TRPM6: variants seen among roughly 807,000 people sequenced by gnomAD.
The protein encoded by TRPM6 is channel kinase 2.
In TRPM6, 111 loss-of-function variants were observed where a neutral mutation model predicts 247.6. That is an observed-to-expected ratio of 0.45 (90% CI 0.38 to 0.52). The LOEUF (loss-of-function observed/expected upper bound fraction) is 0.52, where lower values mean the gene tolerates loss of function less well. TRPM6 is among the 20% of genes least tolerant of loss of function. The pLI is 0.00. For synonymous variants in TRPM6, 892 were observed against 853.8 expected (o/e 1.04, Z -0.78); for missense variants, 2,126 against 2,421.5 (o/e 0.88, Z 2.56).
chr9:74,869,020 G>A lies in TRPM6; in HGVS notation c.34-10272C>T, dbSNP rs544545652. Among the ~76,000 whole-genome samples the A allele has an allele frequency of 5.9e-5, 9 of 152,198 alleles. 1 individual carries two copies. In the South Asian group the frequency reaches 1.9e-3, roughly 32 times the overall value. ...AAATGTTTGCATCATTATCAAAGTAGAAAATTTCAAAGAAAAACTGATAAG... is the reference window on the plus strand; with the variant it reads ...AAATGTTTGCATCATTATCAAAGTAAAAAATTTCAAAGAAAAACTGATAAG... On this transcript the variant is annotated intron_variant, in intron 1 of 38. Coordinates refer to ENST00000360774, the MANE Select transcript of TRPM6 (RefSeq NM_017662.5).
At chr9:74,830,071 C>T (rs1347554714) in intron 6 of TRPM6, among the ~76,000 whole-genome samples, 1 of 151,994 alleles carries the variant, frequency 6.6e-6, no homozygotes, top group African/African-American at 2.4e-5. Context: ...TTCAAGACTG[C>T]AGTGAGCTAT....
At chr9:74,856,748 G>A (rs747925239) in intron 2 of TRPM6, among the ~76,000 whole-genome samples, 3 of 151,790 alleles carry the variant, frequency 2.0e-5, no homozygotes, top group Non-Finnish European at 2.9e-5. Flanking sequence ...AACTTTTATC[G>A]ATATTTTAAA....
chr9:74,874,850 A>G (rs1831142900), intron 1 of TRPM6, among the ~76,000 whole-genome samples: 1 of 151,148 alleles, frequency 6.6e-6, no homozygotes, highest in Non-Finnish European at 1.5e-5. Context: ...CCACCTCCCG[A>G]GTTCAAGTGA....
intron 25 of TRPM6, among the ~76,000 whole-genome samples, chr9:74,764,261 C>A (rs1340065997): frequency 1.3e-5 from 2 of 152,020 alleles, no homozygotes; most frequent in Non-Finnish European, 2.9e-5. Context: ...AAGCCTTAAC[C>A]CCAGAACCAT....
chr9:74,756,720 A>T, intron 27 of TRPM6, among the ~76,000 whole-genome samples: 1 of 148,850 alleles, frequency 6.7e-6, no homozygotes, highest in Non-Finnish European at 1.5e-5. Context: ...GTGTGGTGGC[A>T]CACCTGTGGT....
At chr9:74,776,851 T>C (rs958456183) in intron 23 of TRPM6, among the ~76,000 whole-genome samples, 2 of 152,228 alleles carry the variant, frequency 1.3e-5, no homozygotes, top group African/African-American at 4.8e-5. Flanking sequence ...TAGTTTCTTT[T>C]TAAAACAATT....
intron 23 of TRPM6, among the ~76,000 whole-genome samples, chr9:74,780,119 C>G (rs1226087006): frequency 6.6e-6 from 1 of 151,092 alleles, no homozygotes; most frequent in Admixed American, 6.6e-5. Flanking sequence ...TTGCAGTGAG[C>G]CGAGATAACA....
At chr9:74,837,807 T>A (rs925483611) in intron 5 of TRPM6, among the ~76,000 whole-genome samples, 2 of 144,602 alleles carry the variant, frequency 1.4e-5, no homozygotes, top group African/African-American at 5.2e-5. Flanking sequence ...CTGGGTAGAG[T>A]GACATGATCA....
Position 74,752,339 on chromosome 9 carries a change from T to C in TRPM6, c.4936A>G (p.Lys1646Glu). 1 of 1,596,962 alleles carries C rather than the reference T, an allele frequency of 6.3e-7. No individual in the cohort carries two copies. The change falls in exon 29 of 39, where the codon AAA (lysine) becomes GAA (glutamate). Residue 1646 changes from lysine to glutamate, a missense_variant. This residue lies in a region of TRPM6 where 717 missense variants were observed against 715.9 expected (regional missense o/e 1.00). Coordinates refer to ENST00000360774, the MANE Select transcript of TRPM6 (RefSeq NM_017662.5). The part of the protein sequence containing the change: ...GVEPYIHQKM[K>E]TKEIGQCAIQ... Reference sequence around the variant, plus strand: ...GCACATTGTCCAATTTCTTTAGTTTTCATTTTCTGATGTATGTAAGGTTCT... The same window carrying C: ...GCACATTGTCCAATTTCTTTAGTTTCCATTTTCTGATGTATGTAAGGTTCT...
chr9:74,774,377 C>T (rs918302824), intron 24 of TRPM6, among the ~76,000 whole-genome samples: 2 of 152,120 alleles, frequency 1.3e-5, no homozygotes, highest in Admixed American at 6.5e-5. Context: ...TCTCTATTAG[C>T]GGCCTGAAAT....
chr9:74,782,831 A>G lies in TRPM6; in HGVS notation c.2942T>C (p.Val981Ala). 6.2e-7 allele frequency: 1 copy of G among 1,614,184 alleles called. No homozygotes were observed. Among genetic ancestry groups the G allele is most frequent in the Non-Finnish European group, 8.5e-7 (1 of 1,180,036 alleles). ...AKMTANMFYI[V>A]IIMAIVLLSF... ...CAGCAGGACTATGGCCATGATGATCACAATATAGAACATGTTTGCTGTCTG... is the reference window on the plus strand; with the variant it reads ...CAGCAGGACTATGGCCATGATGATCGCAATATAGAACATGTTTGCTGTCTG... The change falls in exon 22 of 39, where the codon GTG (valine) becomes GCG (alanine). Residue 981 changes from valine to alanine, a missense_variant. By Grantham distance (64) the Val-to-Ala change is moderately conservative. This residue lies in a region of TRPM6 where 1,082 missense variants were observed against 1,307.9 expected (regional missense o/e 0.83). Transcript: ENST00000360774.
At chr9:74,792,040 A>G (rs1827922567) in intron 19 of TRPM6, among the ~76,000 whole-genome samples, 1 of 152,222 alleles carries the variant, frequency 6.6e-6, no homozygotes, top group African/African-American at 2.4e-5. Context: ...TACAGGCGTG[A>G]GCCACCACGC....
At chr9:74,782,105 A>T (rs1827481923) in intron 23 of TRPM6, among the ~76,000 whole-genome samples, 1 of 152,226 alleles carries the variant, frequency 6.6e-6, no homozygotes, top group East Asian at 1.9e-4. Flanking sequence ...TGGAGCATCC[A>T]TAGAGTTTGG....
In TRPM6 at chr9:74,731,806, G is replaced by C. The variant is rs77286691; in HGVS notation, c.5828+879C>G. Among the ~76,000 whole-genome samples the C allele has an allele frequency of 7.7e-3, 1,169 of 151,994 alleles. 10 individuals are homozygous for C. Among genetic ancestry groups the C allele is most frequent in the African/African-American group, 0.027 (1,119 of 41,488 alleles). ...AAATGTATGCTGGCAGTTCTCAAGAGTGGTCTCTGGACCAGCAGCATCATA... is the reference window on the plus strand; with the variant it reads ...AAATGTATGCTGGCAGTTCTCAAGACTGGTCTCTGGACCAGCAGCATCATA... On this transcript the variant is annotated intron_variant, in intron 37 of 38. Coordinates refer to ENST00000360774, the MANE Select transcript of TRPM6 (RefSeq NM_017662.5).
rs989836152 is a variant in TRPM6 at position 74,785,066 on chromosome 9, C to T, written c.2919+808G>A. ...AGGGTGCAGTGAGCCGTGATCGCAC[C>T]ACTGCACTCCAGCCTAGGTGACAGA... is the stretch of plus-strand genomic sequence containing the variant. On this transcript the variant is annotated intron_variant, in intron 21 of 38. Transcript: ENST00000360774. 2.6e-5 allele frequency among the ~76,000 whole-genome samples: 4 copies of T among 152,224 alleles called. No homozygotes were observed. The East Asian group carries it at 7.7e-4, about 29-fold the overall frequency.
chr9:74,869,664 T>C (rs1464239818), intron 1 of TRPM6, among the ~76,000 whole-genome samples: 6 of 151,870 alleles, frequency 4.0e-5, no homozygotes, highest in African/African-American at 1.5e-4. Flanking sequence ...GCCAGAGATC[T>C]TTTACATGAC....
intron 23 of TRPM6, among the ~76,000 whole-genome samples, chr9:74,779,739 T>C (rs1827351600): frequency 6.6e-6 from 1 of 152,228 alleles, no homozygotes; most frequent in South Asian, 2.1e-4. Flanking sequence ...GGTGAGGAAG[T>C]GGCCCATACT....
At chr9:74,794,877 CT>C (rs1176608138) in intron 18 of TRPM6, among the ~76,000 whole-genome samples, 4 of 147,074 alleles carry the variant, frequency 2.7e-5, no homozygotes, top group South Asian at 4.4e-4. Context: ...CCCACACCCC[CT>C]GACCACCCCA....
In TRPM6 at chr9:74,792,673, T is replaced by C. The variant is rs1357376204; in HGVS notation, c.2489A>G (p.Lys830Arg). 6.2e-7 allele frequency: 1 copy of C among 1,613,978 alleles called. No individual in the cohort carries two copies. Among genetic ancestry groups the C allele is most frequent in the Non-Finnish European group, 8.5e-7 (1 of 1,180,000 alleles). The change falls in exon 19 of 39, where the codon AAA becomes AGA. Residue 830 changes from lysine (K) to arginine (R), a missense_variant. Lys to Arg is a conservative substitution (Grantham distance 26). Around this residue, in one of 3 missense-constraint regions of TRPM6, gnomAD observed 1,082 missense variants for 1,307.9 expected, o/e 0.83. Transcript: ENST00000360774. Reference sequence around the variant, plus strand: ...TGGAGCACTGTAGAACTCATAGACTTTCCTGGTCCACGGAAGGTGTTGGTG... The same window carrying C: ...TGGAGCACTGTAGAACTCATAGACTCTCCTGGTCCACGGAAGGTGTTGGTG... ...SGHQHLPWTR[K>R]VYEFYSAPIV...
Sources: gnomAD v4.1 joint callset for allele counts (sites outside exome capture counted in the v4.1 genomes callset) on GRCh38, gnomAD v4.1.1 for gene constraint, gnomAD v4.1.1 regional missense constraint, MANE v1.5 for transcripts, NCBI Gene and HGNC (gene_info 2026-07-23, HGNC 2026-07-21) for gene names.